The following CNBD1 variants were observed in gnomAD, a reference collection of about 807,000 sequenced individuals.
The protein encoded by CNBD1 is cyclic nucleotide binding domain containing 1, also known as cyclic nucleotide-binding domain-containing protein 1.
CNBD1 carries 71 observed loss-of-function variants against 54.4 expected under a neutral mutation model. The observed-to-expected ratio is 1.30, with a 90% confidence interval of 1.08 to 1.59. The LOEUF (loss-of-function observed/expected upper bound fraction) is 1.59, where lower values mean the gene tolerates loss of function less well. Among genes scored for constraint, CNBD1 ranks in the 40% most tolerant of loss-of-function variants. The pLI is 0.00. For synonymous variants in CNBD1, 182 were observed against 170.7 expected, an observed-to-expected ratio of 1.07 and a Z score of -0.51; for missense variants, 659 against 518.0, an observed-to-expected ratio of 1.27 and a Z score of -2.64.
chr8:86,939,528 G>T, intron 3 of CNBD1, 68 bp from the exon 4 acceptor site: 1 of 1,142,408 alleles, frequency 8.8e-7, no homozygotes, highest in South Asian at 2.1e-5. Flanking sequence ...CTGCAATATA[G>T]TAAAAGTCCC....
intron 4 of CNBD1, among the ~76,000 whole-genome samples, chr8:87,035,484 T>G: frequency 6.6e-6 from 1 of 152,356 alleles, no homozygotes; most frequent in East Asian, 1.9e-4. Context: ...TATACTTCAA[T>G]TTTTATTAAA....
At chr8:87,247,832 G>C (rs1807837701) in intron 6 of CNBD1, among the ~76,000 whole-genome samples, 1 of 152,140 alleles carries the variant, frequency 6.6e-6, no homozygotes, top group Non-Finnish European at 1.5e-5. Flanking sequence ...ATGTTTTTAA[G>C]TTCAGGTGAC....
At chr8:86,944,517 C>T (rs1807418879) in intron 4 of CNBD1, among the ~76,000 whole-genome samples, 1 of 152,070 alleles carries the variant, frequency 6.6e-6, no homozygotes, top group Non-Finnish European at 1.5e-5. Context: ...CAATTAAATA[C>T]CTTGAAGAAG....
intron 4 of CNBD1, among the ~76,000 whole-genome samples, chr8:86,958,483 A>G (rs1807837825): frequency 6.6e-6 from 1 of 152,142 alleles, no homozygotes; most frequent in African/African-American, 2.4e-5. Flanking sequence ...GTTGGTCTCT[A>G]GGGACTTGCT....
intron 8 of CNBD1, among the ~76,000 whole-genome samples, chr8:87,335,321 A>G (rs1033681892): frequency 1.3e-5 from 2 of 152,104 alleles, no homozygotes; most frequent in African/African-American, 2.4e-5. Flanking sequence ...GTCTCCTACT[A>G]TTACTGTGTG....
At chr8:87,165,562 G>A (rs558938360) in intron 4 of CNBD1, among the ~76,000 whole-genome samples, 17 of 151,990 alleles carry the variant, frequency 1.1e-4, no homozygotes, top group East Asian at 1.9e-4. Context: ...TGTTACAAGC[G>A]CAGCCACCCT....
chr8:87,114,018 T>C (rs988756381), intron 4 of CNBD1, among the ~76,000 whole-genome samples: 5 of 152,118 alleles, frequency 3.3e-5, no homozygotes, highest in African/African-American at 4.8e-5. Context: ...TAATCTCACA[T>C]GTAAGAATAA....
chr8:86,939,919 A>G (rs1460962360), intron 4 of CNBD1, 165 bp downstream of exon 4: 5 of 467,736 alleles, frequency 1.1e-5, no homozygotes, highest in African/African-American at 8.0e-5. Context: ...CTATATAAAT[A>G]CAGTCTTCAT....
chr8:87,404,651 C>A (rs75821593), intron 2 of CNBD1, among the ~76,000 whole-genome samples: 2,840 of 152,066 alleles, frequency 0.019, 90 homozygotes, highest in African/African-American at 0.065. Context: ...ATCTGTAGTA[C>A]CCACAGTGTA....
intron 4 of CNBD1, among the ~76,000 whole-genome samples, chr8:87,143,737 T>C (rs982391418): frequency 1.3e-5 from 2 of 152,216 alleles, no homozygotes; most frequent in African/African-American, 4.8e-5. Context: ...GTGATCTTAG[T>C]ATGTGAAATA....
intron 2 of CNBD1, among the ~76,000 whole-genome samples, chr8:87,424,481 G>T (rs1469246506): frequency 3.9e-5 from 6 of 152,146 alleles, no homozygotes; most frequent in African/African-American, 1.4e-4. Context: ...TTGTGTCTTT[G>T]TTCTCACTGG....
Position 86,947,916 on chromosome 8 carries a change from C to G in CNBD1, c.431+8162C>G, listed in dbSNP as rs572701549. 3.3e-5 allele frequency among the ~76,000 whole-genome samples: 5 copies of G among 152,206 alleles called. No individual in the cohort carries two copies. In the South Asian group the frequency reaches 1.0e-3, roughly 32 times the overall value. The stretch of plus-strand genomic sequence containing the variant: ...ACCTCCTCCCAACCACCCTGCTACC[C>G]TTCCCAGACTCTGGTAACCATACTT... On this transcript the variant is annotated intron_variant, in intron 4 of 10. Coordinates refer to ENST00000518476, the MANE Select transcript of CNBD1 (RefSeq NM_173538.3).
chr8:87,314,313 T>TA lies in CNBD1; in HGVS notation c.1042+27651dup, dbSNP rs546603816. ...GAATTCAATAAAGCATCTCATTTTT[T>TA]AAAAAAAAAGATATTACCATTTTTC... On this transcript the variant is annotated intron_variant, in intron 8 of 10. Coordinates refer to ENST00000518476, the MANE Select transcript of CNBD1 (RefSeq NM_173538.3). Among the ~76,000 whole-genome samples the TA allele has an allele frequency of 7.0e-3, 950 of 136,120 alleles. 9 individuals carry two copies. The highest frequency in any genetic ancestry group is 0.022 in the African/African-American group (881 of 40,222). 89.3% of individuals were successfully genotyped at this position (136,120 alleles called of 152,430 possible). A position where few individuals can be genotyped will look rare whatever the true frequency, so the allele number is the denominator to read the frequency against.
downstream of CNBD1, among the ~76,000 whole-genome samples, chr8:87,385,287 C>T (rs1274521634): frequency 6.6e-6 from 1 of 152,058 alleles, no homozygotes; most frequent in East Asian, 1.9e-4. Flanking sequence ...ACAGTGGGTG[C>T]AGCGCACCGA....
intron 4 of CNBD1, among the ~76,000 whole-genome samples, chr8:87,157,393 G>C (rs575790515): frequency 5.3e-5 from 8 of 152,292 alleles, no homozygotes; most frequent in African/African-American, 1.9e-4. Flanking sequence ...AGTTAATGTA[G>C]AATTGCAGAA....
chr8:86,962,046 A>G (rs1303431141), intron 4 of CNBD1, among the ~76,000 whole-genome samples: 2 of 152,206 alleles, frequency 1.3e-5, no homozygotes, highest in African/African-American at 2.4e-5. Context: ...GGAAGACAAG[A>G]ACAGATTTTG....
At chr8:87,277,215 A>G (rs1444811403) in intron 6 of CNBD1, among the ~76,000 whole-genome samples, 3 of 151,694 alleles carry the variant, frequency 2.0e-5, no homozygotes, top group Non-Finnish European at 4.4e-5. Flanking sequence ...AAACTGCTAT[A>G]GAGCCAGAAA....
intron 4 of CNBD1, among the ~76,000 whole-genome samples, chr8:86,966,480 T>G (rs1225857001): frequency 6.6e-6 from 1 of 152,208 alleles, no homozygotes; most frequent in Non-Finnish European, 1.5e-5. Flanking sequence ...CTGGACTTTC[T>G]TCCTTCTGGT....
At chr8:87,311,924 G>A (rs1563547596) in intron 8 of CNBD1, among the ~76,000 whole-genome samples, 2 of 152,020 alleles carry the variant, frequency 1.3e-5, no homozygotes, top group African/African-American at 2.4e-5. Context: ...GGTGCCAACT[G>A]TAGACAATGG....
Sources: gnomAD v4.1 joint callset for allele counts (sites outside exome capture counted in the v4.1 genomes callset) on GRCh38, gnomAD v4.1.1 for gene constraint, MANE v1.5 for transcripts, NCBI Gene and HGNC (gene_info 2026-07-23, HGNC 2026-07-21) for gene names.